Variants in NCK2 observed in about 807,000 individuals in gnomAD.
The protein encoded by NCK2 is cytoplasmic protein NCK2.
A neutral mutation model predicts 33.9 loss-of-function variants in NCK2; 16 were observed. The ratio of observed to expected loss-of-function variants is 0.47; its 90% CI spans 0.32 to 0.72. NCK2 has a LOEUF of 0.72. Among genes scored for constraint, NCK2 ranks in the 30% least tolerant of loss-of-function variants. The pLI is 0.03. For synonymous variants in NCK2, 273 were observed against 239.9 expected, an observed-to-expected ratio of 1.14 and a Z score of -1.27; for missense variants, 418 against 537.3, an observed-to-expected ratio of 0.78 and a Z score of 2.19.
At chr2:105,772,730 T>A (rs114341196) in intron 1 of NCK2, among the ~76,000 whole-genome samples, 169 of 152,132 alleles carry the variant, frequency 1.1e-3, no homozygotes, top group African/African-American at 3.6e-3. Context: ...CCCGAAACTC[T>A]TCTTTCTGGA....
rs1679003971 is a variant in NCK2, at chr2:105,891,929, T to A, written c.949-1053T>A. Among the ~76,000 whole-genome samples the A allele has an allele frequency of 3.3e-5, 5 of 152,328 alleles. No homozygotes were observed. The South Asian group carries it at 1.0e-3, about 32-fold the overall frequency. Reference sequence around the variant, plus strand: ...AAGGCACATCACAGAATTTAAATATTTTTCAATAAAATCTGTAATCAAACC... The same window carrying A: ...AAGGCACATCACAGAATTTAAATATATTTCAATAAAATCTGTAATCAAACC... On this transcript the variant is annotated intron_variant, in intron 4 of 4. Transcript: ENST00000233154.
intron 4 of NCK2, 63 bp downstream of exon 4, chr2:105,882,112 G>C: frequency 7.0e-7 from 1 of 1,431,396 alleles, no homozygotes; most frequent in Non-Finnish European, 9.2e-7. Context: ...CGGTGGGTCT[G>C]TGTGCCGCGC....
At chr2:105,803,577 G>A (rs1431220291) in intron 1 of NCK2, among the ~76,000 whole-genome samples, 2 of 152,216 alleles carry the variant, frequency 1.3e-5, no homozygotes, top group African/African-American at 4.8e-5. Context: ...CTAGGAAAGT[G>A]CGGAACTGGC....
At chr2:105,858,010 GTGTT>G (rs1334180543) in intron 3 of NCK2, among the ~76,000 whole-genome samples, 2 of 151,116 alleles carry the variant, frequency 1.3e-5, no homozygotes, top group Non-Finnish European at 2.9e-5. Context: ...GCATTTGTGT[GTGTT>G]TGTGTTTTGT....
chr2:105,754,077 G>T (rs542268418), intron 1 of NCK2, among the ~76,000 whole-genome samples: 11 of 152,222 alleles, frequency 7.2e-5, no homozygotes, highest in Non-Finnish European at 1.5e-4. Context: ...GACTGAGATA[G>T]GACGGTGAGT....
chr2:105,762,085 A>C (rs1221410094), intron 1 of NCK2, among the ~76,000 whole-genome samples: 1 of 152,196 alleles, frequency 6.6e-6, no homozygotes, highest in African/African-American at 2.4e-5. Flanking sequence ...TTGACCTGAA[A>C]ACAAGGACTT....
In NCK2 at chr2:105,821,314, G is replaced by A. The variant is rs138727698; in HGVS notation, c.-17+4701G>A. On this transcript the variant is annotated intron_variant, in intron 2 of 4. Transcript: ENST00000233154. ...CAGTGCTCAGTCATTAAGATTTTAGGGCTAAAGCTTCTGTTGAGGGTGTAG... is the reference window on the plus strand; with the variant it reads ...CAGTGCTCAGTCATTAAGATTTTAGAGCTAAAGCTTCTGTTGAGGGTGTAG... Among the ~76,000 whole-genome samples the A allele has an allele frequency of 9.4e-4, 143 of 152,256 alleles. 2 individuals are homozygous for A. In the East Asian group the frequency reaches 0.021, roughly 23 times the overall value.
In NCK2 at chr2:105,835,406, C is replaced by CATATATATAT. The variant is rs1558861985; in HGVS notation, c.-17+18793_-17+18794insATATATATAT. On this transcript the variant is annotated intron_variant, in intron 2 of 4. Coordinates refer to ENST00000233154, the MANE Select transcript of NCK2 (RefSeq NM_003581.5). ...ATATACACATATATATATATATATACGTGTATATATATATATATTTTTTTT... is the reference window on the plus strand; with the variant it reads ...ATATACACATATATATATATATATACATATATATATGTGTATATATATATATATTTTTTTT... Among the ~76,000 whole-genome samples, 65 of 24,224 alleles carry CATATATATAT rather than the reference C, an allele frequency of 2.7e-3. 8 individuals are homozygous for CATATATATAT. The highest frequency in any genetic ancestry group is 7.4e-3 in the African/African-American group (60 of 8,158). The allele number at this position is 24,224 out of a possible 152,430, so 15.9% of individuals were successfully genotyped here. A position where few individuals can be genotyped will look rare whatever the true frequency, so the allele number is the denominator to read the frequency against.
At chr2:105,765,326 A>C (rs1236532923) in intron 1 of NCK2, among the ~76,000 whole-genome samples, 1 of 152,246 alleles carries the variant, frequency 6.6e-6, no homozygotes, top group Non-Finnish European at 1.5e-5. Context: ...TGTGACTACC[A>C]TGTCCTTTTA....
At chr2:105,878,807 C>T (rs989299077) in intron 3 of NCK2, among the ~76,000 whole-genome samples, 1 of 152,194 alleles carries the variant, frequency 6.6e-6, no homozygotes, top group Non-Finnish European at 1.5e-5. Context: ...TCAAGCAAAA[C>T]AGGTAAAATT....
chr2:105,865,493 A>G (rs1299393888), intron 3 of NCK2, among the ~76,000 whole-genome samples: 2 of 152,110 alleles, frequency 1.3e-5, no homozygotes, highest in Admixed American at 6.5e-5. Context: ...CTAGGCATCA[A>G]TACTGGCGAC....
intron 2 of NCK2, among the ~76,000 whole-genome samples, chr2:105,819,885 G>C (rs536822788): frequency 6.6e-6 from 1 of 152,118 alleles, no homozygotes; most frequent in East Asian, 1.9e-4. Context: ...TGTATTTTGG[G>C]CTATTTTTCT....
intron 1 of NCK2, among the ~76,000 whole-genome samples, chr2:105,786,889 A>G (rs982716347): frequency 2.7e-5 from 4 of 147,832 alleles, no homozygotes; most frequent in African/African-American, 1.0e-4. Flanking sequence ...TCTGCTGCTC[A>G]GGCACCCTCC....
At chr2:105,873,547 T>C (rs1165585472) in intron 3 of NCK2, among the ~76,000 whole-genome samples, 1 of 152,168 alleles carries the variant, frequency 6.6e-6, no homozygotes, top group Non-Finnish European at 1.5e-5. Context: ...TTGGTCACTG[T>C]GTTCTTTTCA....
At chr2:105,840,692 G>A (rs116223469) in intron 2 of NCK2, among the ~76,000 whole-genome samples, 2,151 of 152,278 alleles carry the variant, frequency 0.014, 45 homozygotes, top group African/African-American at 0.049. Context: ...GCCTTCCTCA[G>A]GTTCAATTAA....
chr2:105,780,740 T>G (rs766346819), intron 1 of NCK2, among the ~76,000 whole-genome samples: 1 of 152,146 alleles, frequency 6.6e-6, no homozygotes, highest in Non-Finnish European at 1.5e-5. Context: ...ATGGGATTAA[T>G]TTCCTTACGG....
At chr2:105,888,382 T>C (rs1573254404) in intron 4 of NCK2, among the ~76,000 whole-genome samples, 1 of 152,168 alleles carries the variant, frequency 6.6e-6, no homozygotes, top group Non-Finnish European at 1.5e-5. Flanking sequence ...AATTACTATA[T>C]ACCAAGTAAG....
chr2:105,780,507 A>T (rs1329731456), intron 1 of NCK2, among the ~76,000 whole-genome samples: 1 of 152,204 alleles, frequency 6.6e-6, no homozygotes, highest in Admixed American at 6.5e-5. Flanking sequence ...GATGTTGAAT[A>T]AAGTGATAAC....
intron 1 of NCK2, among the ~76,000 whole-genome samples, chr2:105,792,137 G>A (rs1044397668): frequency 1.3e-5 from 2 of 152,140 alleles, no homozygotes; most frequent in African/African-American, 2.4e-5. Context: ...CCACTGACCC[G>A]CTCCATGCCC....
Sources: gnomAD v4.1 joint callset for allele counts (sites outside exome capture counted in the v4.1 genomes callset) on GRCh38, gnomAD v4.1.1 for gene constraint, MANE v1.5 for transcripts, NCBI Gene and HGNC (gene_info 2026-07-23, HGNC 2026-07-21) for gene names.